DOCK1: variants seen among roughly 807,000 people sequenced by gnomAD.
The protein encoded by DOCK1 is dedicator of cytokinesis 1.
A neutral mutation model predicts 262.7 loss-of-function variants in DOCK1; 138 were observed. The observed-to-expected ratio is 0.53, with a 90% CI of 0.46 to 0.61. The LOEUF (loss-of-function observed/expected upper bound fraction) is 0.61, where lower values mean the gene tolerates loss of function less well. Ranked by LOEUF, DOCK1 falls within the 20% of genes least tolerant of loss-of-function variation. The pLI is 0.00. For missense variants in DOCK1, 1,908 were observed against 2,370.7 expected (o/e 0.80, Z 4.05); for synonymous variants, 866 against 867.4 (o/e 1.00, Z 0.03).
intron 28 of DOCK1, among the ~76,000 whole-genome samples, chr10:127,250,849 A>C (rs958357301): frequency 6.6e-6 from 1 of 150,638 alleles, no homozygotes; most frequent in Non-Finnish European, 1.5e-5. Flanking sequence ...TTATACCACA[A>C]ATTTAGACTG....
intron 2 of DOCK1, among the ~76,000 whole-genome samples, chr10:126,973,174 G>A (rs990463936): frequency 6.6e-6 from 1 of 151,874 alleles, no homozygotes; most frequent in African/African-American, 2.4e-5. Context: ...TGGCCCCTGG[G>A]CCTGTGGAGA....
At chr10:127,302,740 G>T (rs1392458348) in intron 29 of DOCK1, among the ~76,000 whole-genome samples, 1 of 71,476 alleles carries the variant, frequency 1.4e-5, no homozygotes, top group African/African-American at 9.0e-5. Context: ...GGAAAAGAGG[G>T]GGTGTGTGTG....
chr10:127,042,743 G>A, intron 20 of DOCK1, 29 bp downstream of exon 20: 1 of 1,607,256 alleles, frequency 6.2e-7, no homozygotes, highest in South Asian at 1.1e-5. Flanking sequence ...TCATATGCTT[G>A]GATAACACAG....
chr10:127,125,890 G>C (rs996567104), intron 26 of DOCK1, among the ~76,000 whole-genome samples: 8 of 152,018 alleles, frequency 5.3e-5, no homozygotes, highest in African/African-American at 1.9e-4. Context: ...AAAAGGCTTT[G>C]ATGCTTAAAG....
chr10:127,377,285 G>A (rs987345884), intron 35 of DOCK1, among the ~76,000 whole-genome samples: 1 of 152,116 alleles, frequency 6.6e-6, no homozygotes, highest in Non-Finnish European at 1.5e-5. Context: ...TTCCTGGTCA[G>A]TTTTTCCCTT....
intron 46 of DOCK1, among the ~76,000 whole-genome samples, chr10:127,423,435 C>G (rs2068627614): frequency 6.6e-6 from 1 of 152,200 alleles, no homozygotes; most frequent in Non-Finnish European, 1.5e-5. Flanking sequence ...CTGACCTGCT[C>G]CTCGCTGGGT....
In DOCK1 at chr10:127,125,539, G is replaced by A. The variant is rs988131523; in HGVS notation, c.2689G>A (p.Asp897Asn). 5.6e-6 allele frequency: 9 copies of A among 1,613,784 alleles called. No homozygotes were observed. In the Admixed American group the frequency reaches 1.5e-4, roughly 27 times the overall value. ...CAAGTACCATCTGGAGAGACAGGAG[G>A]ACCTGGAGGCCTGCTGTCAGCTGCT... Reference protein sequence around the residue: ...QLKYHLERQEDLEACCQLLSH... With the variant: ...QLKYHLERQENLEACCQLLSH... The change falls in exon 26 of 52, where the codon GAC (aspartate) becomes AAC (asparagine). Residue 897 changes from aspartate to asparagine, a missense_variant. Asp to Asn is a conservative substitution (Grantham distance 23, BLOSUM62 1). This residue lies in a region of DOCK1 where 518 missense variants were observed against 575.1 expected (regional missense o/e 0.90). Transcript: ENST00000623213.
intron 1 of DOCK1, among the ~76,000 whole-genome samples, chr10:126,939,693 G>A (rs1451028012): frequency 6.6e-6 from 1 of 152,138 alleles, no homozygotes; most frequent in Non-Finnish European, 1.5e-5. Flanking sequence ...AAACTCTTCA[G>A]TCCAGATGAG....
chr10:127,173,180 C>T (rs776395096), intron 27 of DOCK1, among the ~76,000 whole-genome samples: 3 of 152,180 alleles, frequency 2.0e-5, no homozygotes, highest in African/African-American at 7.2e-5. Context: ...GACATCTACC[C>T]ATTCAGACAC....
At chr10:127,370,020 G>C (rs140961841) in intron 33 of DOCK1, among the ~76,000 whole-genome samples, 2 of 152,072 alleles carry the variant, frequency 1.3e-5, no homozygotes, top group Non-Finnish European at 2.9e-5. Context: ...TCTTAACCAT[G>C]TTTTCCACCC....
intron 23 of DOCK1, among the ~76,000 whole-genome samples, chr10:127,090,615 G>T (rs1053360907): frequency 6.6e-6 from 1 of 152,002 alleles, no homozygotes; most frequent in Non-Finnish European, 1.5e-5. Flanking sequence ...GATCATTTCC[G>T]TCACCCCAGA....
At chr10:127,256,466 CT>C (rs1332086299) in intron 28 of DOCK1, among the ~76,000 whole-genome samples, 2 of 152,148 alleles carry the variant, frequency 1.3e-5, no homozygotes, top group Admixed American at 1.3e-4. Flanking sequence ...TCTCGGTTGT[CT>C]TTTCATTTCC....
rs2071023436 is a variant in DOCK1 at position 127,452,427 on chromosome 10, T to C, written c.*1000T>C. The C allele has an allele frequency of 6.6e-6, 1 of 152,666 alleles. No homozygotes were observed. The highest frequency in any genetic ancestry group is 1.5e-5 in the Non-Finnish European group (1 of 68,034). 9.5% of individuals were successfully genotyped at this position (152,666 alleles called of 1,614,324 possible). On this transcript the variant is annotated 3_prime_UTR_variant, in exon 52 of 52. Coordinates refer to ENST00000623213, the MANE Select transcript of DOCK1 (RefSeq NM_001290223.2). Reference sequence around the variant, plus strand: ...CCTAATATTTGTATTCTCTCATCTATATTTTTTTATTCACTATAATCATGA... The same window carrying C: ...CCTAATATTTGTATTCTCTCATCTACATTTTTTTATTCACTATAATCATGA...
chr10:127,009,567 C>G (rs1158640798), intron 11 of DOCK1, among the ~76,000 whole-genome samples: 5 of 152,126 alleles, frequency 3.3e-5, no homozygotes, highest in South Asian at 4.1e-4. Context: ...TAAGAGACAG[C>G]TTCCTCCTGG....
At chr10:127,173,069 G>T (rs964620727) in intron 27 of DOCK1, among the ~76,000 whole-genome samples, 1 of 152,132 alleles carries the variant, frequency 6.6e-6, no homozygotes, top group African/African-American at 2.4e-5. Context: ...GCATATAGGG[G>T]ATGCATTCAT....
chr10:127,071,066 C>CT (rs2135925791), intron 23 of DOCK1, among the ~76,000 whole-genome samples: 1 of 152,182 alleles, frequency 6.6e-6, no homozygotes, highest in Admixed American at 6.5e-5. Context: ...GCAAGTGTGT[C>CT]ATGTTAAGAA....
intron 27 of DOCK1, among the ~76,000 whole-genome samples, chr10:127,140,828 G>A (rs2051169268): frequency 6.6e-6 from 1 of 152,206 alleles, no homozygotes; most frequent in Non-Finnish European, 1.5e-5. Context: ...TAGAGTAGTG[G>A]ACTTGGAGAA....
At chr10:127,047,382 T>C (rs549598008) in intron 21 of DOCK1, among the ~76,000 whole-genome samples, 20 of 152,318 alleles carry the variant, frequency 1.3e-4, no homozygotes, top group African/African-American at 4.6e-4. Context: ...TTCCCTTGTA[T>C]ATAATGCTAC....
intron 27 of DOCK1, among the ~76,000 whole-genome samples, chr10:127,219,766 T>C (rs1377804143): frequency 6.6e-6 from 1 of 152,098 alleles, no homozygotes; most frequent in African/African-American, 2.4e-5. Context: ...AACATACTTA[T>C]TTCCATTGCC....
Sources: gnomAD v4.1 joint callset for allele counts (sites outside exome capture counted in the v4.1 genomes callset) on GRCh38, gnomAD v4.1.1 for gene constraint, gnomAD v4.1.1 regional missense constraint, MANE v1.5 for transcripts, NCBI Gene and HGNC (gene_info 2026-07-23, HGNC 2026-07-21) for gene names.